The following SSBP2 variants were observed in gnomAD, a reference collection of about 807,000 sequenced individuals.
The protein encoded by SSBP2 is single stranded DNA binding protein 2.
In SSBP2, 17 loss-of-function variants were observed where a neutral mutation model predicts 61.8. The ratio of observed to expected loss-of-function variants is 0.28; its 90% confidence interval spans 0.19 to 0.41. The LOEUF (loss-of-function observed/expected upper bound fraction) is 0.41, where lower values mean the gene tolerates loss of function less well. SSBP2 is among the 10% of genes least tolerant of loss of function. SSBP2 has a pLI of 1.00. For synonymous variants in SSBP2, 139 were observed against 141.3 expected, an observed-to-expected ratio of 0.98 and a Z score of 0.12; for missense variants, 310 against 458.7, an observed-to-expected ratio of 0.68 and a Z score of 2.96.
At chr5:81,650,604 C>T (rs1749643832) in intron 1 of SSBP2, among the ~76,000 whole-genome samples, 1 of 152,026 alleles carries the variant, frequency 6.6e-6, no homozygotes, top group Non-Finnish European at 1.5e-5. Context: ...AATCATCTCA[C>T]TTATCATAAG....
intron 1 of SSBP2, among the ~76,000 whole-genome samples, chr5:81,701,766 G>A (rs1753999099): frequency 1.3e-5 from 2 of 152,096 alleles, no homozygotes; most frequent in Admixed American, 1.3e-4. Context: ...GAAACTCCTG[G>A]ACTGAACATA....
At position 81,492,718 on chromosome 5, in the gene SSBP2, G is replaced by A. The variant is rs202100466; in HGVS notation, c.373-3409C>T. On this transcript the variant is annotated intron_variant, in intron 5 of 16. Coordinates refer to ENST00000320672, the MANE Select transcript of SSBP2 (RefSeq NM_012446.5). ...ATGTGTGTGGAAATAACATTTGACT[G>A]GGAGTCAAAGACCTGGGTTTTAGTT... Among the ~76,000 whole-genome samples the A allele has an allele frequency of 1.3e-5, 2 of 152,114 alleles. 1 individual carries two copies. Among genetic ancestry groups the A allele is most frequent in the African/African-American group, 4.8e-5 (2 of 41,514 alleles).
intron 1 of SSBP2, among the ~76,000 whole-genome samples, chr5:81,697,162 C>T (rs1753657758): frequency 6.6e-6 from 1 of 152,182 alleles, no homozygotes; most frequent in Non-Finnish European, 1.5e-5. Context: ...GTCAAAAATT[C>T]GGCTGTCCAG....
At chr5:81,528,432 C>T (rs978316863) in intron 4 of SSBP2, among the ~76,000 whole-genome samples, 15 of 152,126 alleles carry the variant, frequency 9.9e-5, no homozygotes, top group African/African-American at 3.4e-4. Context: ...ATAAATTACA[C>T]AACCTTTATG....
chr5:81,458,543 A>G (rs912059399), intron 10 of SSBP2, among the ~76,000 whole-genome samples: 1 of 152,250 alleles, frequency 6.6e-6, no homozygotes, highest in Non-Finnish European at 1.5e-5. Context: ...TTATTCCAAA[A>G]TAAACACTTG....
At chr5:81,676,193 C>T (rs1177157110) in intron 1 of SSBP2, among the ~76,000 whole-genome samples, 2 of 152,152 alleles carry the variant, frequency 1.3e-5, no homozygotes, top group African/African-American at 4.8e-5. Flanking sequence ...AACTGATATC[C>T]AACCAGTCAC....
intron 5 of SSBP2, among the ~76,000 whole-genome samples, chr5:81,496,941 G>A (rs959469621): frequency 6.6e-6 from 1 of 152,158 alleles, no homozygotes; most frequent in Non-Finnish European, 1.5e-5. Flanking sequence ...CAGGCCCTCA[G>A]CAACTGTGCA....
At chr5:81,420,606 A>G in intron 16 of SSBP2, 73 bp from the exon 17 acceptor site, 2 of 1,223,412 alleles carry the variant, frequency 1.6e-6, no homozygotes, top group Non-Finnish European at 2.4e-6. Flanking sequence ...TTGGTACAAC[A>G]GAAACGATGA....
At chr5:81,613,136 T>C (rs2973336) in intron 4 of SSBP2, among the ~76,000 whole-genome samples, 36,400 of 151,996 alleles carry the variant, frequency 0.24, 5,811 homozygotes, top group East Asian at 0.69. Flanking sequence ...TGAAAAGAAA[T>C]TGGTTTTAAG....
intron 1 of SSBP2, among the ~76,000 whole-genome samples, chr5:81,675,325 AG>A: frequency 6.6e-6 from 1 of 152,246 alleles, no homozygotes; most frequent in Middle Eastern, 3.4e-3. Flanking sequence ...ACTTGCCTAA[AG>A]TTTGGCCAAA....
At chr5:81,599,088 A>G (rs1744082256) in intron 4 of SSBP2, among the ~76,000 whole-genome samples, 1 of 152,186 alleles carries the variant, frequency 6.6e-6, no homozygotes, top group South Asian at 2.1e-4. Context: ...TGAACCCCAC[A>G]GCAGAATTGG....
At chr5:81,495,391 T>C (rs2154062914) in intron 5 of SSBP2, among the ~76,000 whole-genome samples, 1 of 152,318 alleles carries the variant, frequency 6.6e-6, no homozygotes, top group South Asian at 2.1e-4. Flanking sequence ...TCCATATAAA[T>C]ATGATTCCCC....
chr5:81,494,145 T>C (rs2154060233), intron 5 of SSBP2, among the ~76,000 whole-genome samples: 1 of 152,342 alleles, frequency 6.6e-6, no homozygotes, highest in East Asian at 1.9e-4. Flanking sequence ...AATATTTCAA[T>C]CTGTTGTCTT....
At chr5:81,523,065 T>G (rs1472072226) in intron 4 of SSBP2, among the ~76,000 whole-genome samples, 1 of 151,996 alleles carries the variant, frequency 6.6e-6, no homozygotes, top group African/African-American at 2.4e-5. Flanking sequence ...GTATTTGCCA[T>G]GCAAATGAAA....
chr5:81,687,953 C>T (rs1011273469), intron 1 of SSBP2, among the ~76,000 whole-genome samples: 1 of 152,172 alleles, frequency 6.6e-6, no homozygotes, highest in Non-Finnish European at 1.5e-5. Flanking sequence ...CAAGGAGGAA[C>T]TCCTTCTGAT....
rs185458733 is a variant in SSBP2 at position 81,614,173 on chromosome 5, A to C, written c.282+1300T>G. On this transcript the variant is annotated intron_variant, in intron 4 of 16. Transcript: ENST00000320672. The stretch of plus-strand genomic sequence containing the variant: ...CAGGAGATCGAGACCATCTTGGCTA[A>C]CACGGTGAAACCCCGTTTCTACTAA... Among the ~76,000 whole-genome samples the C allele has an allele frequency of 3.8e-3, 571 of 152,234 alleles. 12 individuals carry two copies. Among genetic ancestry groups the C allele is most frequent in the Non-Finnish European group, 2.2e-3 (148 of 67,996 alleles).
Position 81,715,096 on chromosome 5 carries a change from C to T in SSBP2, c.62+35885G>A, listed in dbSNP as rs574233902. On this transcript the variant is annotated intron_variant, in intron 1 of 16. Transcript: ENST00000320672. ...ATTAGAGGGGCAATCCATATTCCTA[C>T]TACATCAAAGAAAATGGGGATTCTA... 4.6e-5 allele frequency among the ~76,000 whole-genome samples: 7 copies of T among 152,106 alleles called. No individual in the cohort carries two copies. In the East Asian group the frequency reaches 9.7e-4, roughly 21 times the overall value.
chr5:81,610,262 C>T (rs1420601122), intron 4 of SSBP2, among the ~76,000 whole-genome samples: 3 of 152,178 alleles, frequency 2.0e-5, no homozygotes, highest in Non-Finnish European at 4.4e-5. Context: ...GAGAAAAATC[C>T]TGTGTCAGAA....
At chr5:81,549,108 A>C (rs1359121508) in intron 4 of SSBP2, among the ~76,000 whole-genome samples, 2 of 152,216 alleles carry the variant, frequency 1.3e-5, no homozygotes, top group African/African-American at 4.8e-5. Context: ...TCTGGCTTCA[A>C]GTCTTAAAAA....
Sources: allele counts gnomAD v4.1 joint callset (sites outside exome capture counted in the v4.1 genomes callset), GRCh38; gene constraint gnomAD v4.1.1; transcripts MANE v1.5; gene names NCBI Gene and HGNC (gene_info 2026-07-23, HGNC 2026-07-21).